MCC: variants seen among roughly 807,000 people sequenced by gnomAD.
MCC encodes MCC regulator of Wnt signaling pathway, also known as colorectal mutant cancer protein.
In MCC, 90 loss-of-function variants were observed where a neutral mutation model predicts 116.2. The observed-to-expected ratio is 0.77, with a 90% CI of 0.65 to 0.92. The LOEUF is 0.92. MCC is among the 40% of genes least tolerant of loss of function. The pLI is 0.00. For missense variants in MCC, 1,516 were observed against 1,312.2 expected (o/e 1.16, Z -2.40); for synonymous variants, 578 against 510.5 (o/e 1.13, Z -1.78).
intron 3 of MCC, among the ~76,000 whole-genome samples, chr5:113,208,643 T>G (rs1763003906): frequency 6.6e-6 from 1 of 152,180 alleles, no homozygotes; most frequent in Non-Finnish European, 1.5e-5. Flanking sequence ...GTTGCTATGA[T>G]GCCAAAATAG....
At chr5:113,376,302 G>T (rs1768977920) in intron 2 of MCC, among the ~76,000 whole-genome samples, 4 of 152,054 alleles carry the variant, frequency 2.6e-5, no homozygotes, top group Admixed American at 2.0e-4. Flanking sequence ...TTGTTCACTG[G>T]TATATTTGTT....
At position 113,075,898 on chromosome 5, in the gene MCC, A is replaced by C. The variant is rs115590297; in HGVS notation, c.1785-4664T>G. On this transcript the variant is annotated intron_variant, in intron 11 of 18. Transcript: ENST00000408903. ...CTCCTGAAGCCAGTGAGTCCACGAT[A>C]CCACCAGAAGGAACCAACAACTCCA... Among the ~76,000 whole-genome samples the C allele has an allele frequency of 1.5e-3, 230 of 152,238 alleles. 2 individuals carry two copies. The highest frequency in any genetic ancestry group is 5.3e-3 in the African/African-American group (219 of 41,538).
At chr5:113,424,176 C>A (rs1235157717) in intron 1 of MCC, among the ~76,000 whole-genome samples, 1 of 150,898 alleles carries the variant, frequency 6.6e-6, no homozygotes, top group Admixed American at 6.6e-5. Context: ...CACACACACA[C>A]ACACACACAT....
chr5:113,133,368 A>C (rs1356367740), intron 5 of MCC, among the ~76,000 whole-genome samples: 1 of 152,154 alleles, frequency 6.6e-6, no homozygotes, highest in African/African-American at 2.4e-5. Context: ...TAGCTCCCAC[A>C]TGAGTAAGAA....
intron 3 of MCC, among the ~76,000 whole-genome samples, chr5:113,246,528 C>A (rs1194875847): frequency 6.6e-6 from 1 of 152,148 alleles, no homozygotes; most frequent in Non-Finnish European, 1.5e-5. Flanking sequence ...AACAGGAAAG[C>A]CAAGTGACTA....
intron 1 of MCC, among the ~76,000 whole-genome samples, chr5:113,417,408 C>A (rs1770182428): frequency 6.6e-6 from 1 of 152,186 alleles, no homozygotes; most frequent in African/African-American, 2.4e-5. Flanking sequence ...AGTGGCCATG[C>A]TTTCATTTCG....
At chr5:113,049,523 T>C (rs1752350743) in intron 15 of MCC, among the ~76,000 whole-genome samples, 1 of 152,234 alleles carries the variant, frequency 6.6e-6, no homozygotes, top group South Asian at 2.1e-4. Flanking sequence ...TGTCAGTCTA[T>C]GGACTAGACC....
At chr5:113,428,022 T>C (rs931319732) in intron 1 of MCC, among the ~76,000 whole-genome samples, 3 of 152,106 alleles carry the variant, frequency 2.0e-5, no homozygotes, top group Non-Finnish European at 2.9e-5. Context: ...CATCACATCA[T>C]CTATCAGTAA....
At chr5:113,393,957 T>G (rs942698437) in intron 1 of MCC, among the ~76,000 whole-genome samples, 4 of 152,214 alleles carry the variant, frequency 2.6e-5, no homozygotes, top group Admixed American at 2.6e-4. Context: ...ACAGATAATC[T>G]AATCTAAATC....
chr5:113,066,940 AG>A (rs1332572104), intron 13 of MCC, among the ~76,000 whole-genome samples: 1 of 152,286 alleles, frequency 6.6e-6, no homozygotes, highest in South Asian at 2.1e-4. Flanking sequence ...CCGAAGGCTA[AG>A]GGGGTGTCCG....
chr5:113,132,427 C>CATATAT (rs1162820789), intron 5 of MCC, among the ~76,000 whole-genome samples: 59 of 106,850 alleles, frequency 5.5e-4, no homozygotes, highest in South Asian at 9.0e-4. Context: ...TACACACATA[C>CATATAT]ATATATATAT....
chr5:113,254,999 T>C (rs1764953453), intron 3 of MCC, among the ~76,000 whole-genome samples: 1 of 152,144 alleles, frequency 6.6e-6, no homozygotes, highest in Non-Finnish European at 1.5e-5. Context: ...ACCCCGTCTC[T>C]ACTAAAAATA....
At chr5:113,078,102 C>A (rs181424933) in intron 11 of MCC, among the ~76,000 whole-genome samples, 1 of 152,108 alleles carries the variant, frequency 6.6e-6, no homozygotes, top group Non-Finnish European at 1.5e-5. Flanking sequence ...AACACTAAAC[C>A]GGGAAGGAGT....
At chr5:113,393,786 G>A (rs1425992251) in intron 1 of MCC, among the ~76,000 whole-genome samples, 8 of 152,226 alleles carry the variant, frequency 5.3e-5, no homozygotes, top group African/African-American at 1.7e-4. Flanking sequence ...GCTTAATGCC[G>A]ACTGCTACCT....
intron 3 of MCC, among the ~76,000 whole-genome samples, chr5:113,257,387 G>A (rs778218712): frequency 7.2e-5 from 11 of 152,076 alleles, no homozygotes; most frequent in Admixed American, 6.6e-5. Flanking sequence ...TGGGGCAGAC[G>A]GAGCAACAGG....
At chr5:113,041,413 G>A (rs77411312) in intron 17 of MCC, among the ~76,000 whole-genome samples, 163 of 152,282 alleles carry the variant, frequency 1.1e-3, no homozygotes, top group African/African-American at 3.7e-3. Context: ...AAAAATGAAA[G>A]GCAGATGTTT....
At chr5:113,378,511 A>G (rs1008730809) in intron 2 of MCC, among the ~76,000 whole-genome samples, 1 of 152,202 alleles carries the variant, frequency 6.6e-6, no homozygotes, top group African/African-American at 2.4e-5. Flanking sequence ...TGTTATGTCT[A>G]CTATCTTAAA....
intron 3 of MCC, among the ~76,000 whole-genome samples, chr5:113,282,886 C>T (rs1250344115): frequency 6.6e-6 from 1 of 152,158 alleles, no homozygotes; most frequent in African/African-American, 2.4e-5. Flanking sequence ...TTTCCACAAG[C>T]CCCTCTTGCT....
chr5:113,177,322 A>G (rs1436918274), intron 3 of MCC, among the ~76,000 whole-genome samples: 3 of 152,230 alleles, frequency 2.0e-5, no homozygotes, highest in Non-Finnish European at 4.4e-5. Context: ...GCACTGAATA[A>G]CCACATGTTA....
Sources: allele counts gnomAD v4.1 joint callset (sites outside exome capture counted in the v4.1 genomes callset), GRCh38; gene constraint gnomAD v4.1.1; transcripts MANE v1.5; gene names NCBI Gene and HGNC (gene_info 2026-07-23, HGNC 2026-07-21).